KLHL31: variants seen among roughly 807,000 people sequenced by gnomAD.
KLHL31 encodes kelch-like protein 31.
Under a neutral mutation model 47.1 loss-of-function variants are expected in KLHL31, and 32 were observed. That is an observed-to-expected ratio of 0.68 (90% CI 0.51 to 0.91). The LOEUF is 0.91. Among genes scored for constraint, KLHL31 ranks in the 40% least tolerant of loss-of-function variants. The pLI is 0.00. For missense variants in KLHL31, 797 were observed against 819.3 expected (o/e 0.97, Z 0.33); for synonymous variants, 330 against 325.1 (o/e 1.01, Z -0.16).
In KLHL31 at chr6:53,655,747, C is replaced by T. The variant is rs550177414; in HGVS notation, c.-33-442G>A. On this transcript the variant is annotated intron_variant, in intron 1 of 2. Transcript: ENST00000370905. Reference sequence around the variant, plus strand: ...TCAGCCTCCCAAGTAGCTGGGACTACAGGTGTGCACCACCATGCCCAGGTA... The same window carrying T: ...TCAGCCTCCCAAGTAGCTGGGACTATAGGTGTGCACCACCATGCCCAGGTA... Among the ~76,000 whole-genome samples, 7 of 152,040 alleles carry T rather than the reference C, an allele frequency of 4.6e-5. No homozygotes were observed. In the South Asian group the frequency reaches 6.2e-4, roughly 14 times the overall value.
At position 53,651,695 on chromosome 6, in the gene KLHL31, G is replaced by A. The variant is rs996899188; in HGVS notation, c.1808C>T (p.Ala603Val). 1.9e-6 allele frequency: 3 copies of A among 1,614,088 alleles called. No homozygotes were observed. The African/African-American group carries it at 4.0e-5, about 22-fold the overall frequency. Residue 603 changes from alanine (A) to valine (V), a missense_variant, in exon 3 of 3, where the codon GCC becomes GTC. Coordinates refer to ENST00000370905, the MANE Select transcript of KLHL31 (RefSeq NM_001003760.5). ...GGTGCAGCAGGACACGCCGACAGTGGCCTCGGGTAGCTCGTCGTCCTCCGT... is the reference window on the plus strand; with the variant it reads ...GGTGCAGCAGGACACGCCGACAGTGACCTCGGGTAGCTCGTCGTCCTCCGT... ...EWTEDDELPE[A>V]TVGVSCCTLS... is the part of the protein sequence containing the mutation.
intron 2 of KLHL31, among the ~76,000 whole-genome samples, chr6:53,652,674 C>A (rs1454033933): frequency 6.6e-6 from 1 of 152,088 alleles, no homozygotes; most frequent in African/African-American, 2.4e-5. Flanking sequence ...GTGGGATTTA[C>A]GAGATGTGCA....
rs1764429726 is a variant in KLHL31, at chr6:53,648,906, A to G, written c.*2692T>C. On this transcript the variant is annotated 3_prime_UTR_variant, in exon 3 of 3. Coordinates refer to ENST00000370905, the MANE Select transcript of KLHL31 (RefSeq NM_001003760.5). Reference sequence around the variant, plus strand: ...TATTTCAGTTGCTGGGTAACATGCAATTTCCCTGATATATTGAACTGATGC... The same window carrying G: ...TATTTCAGTTGCTGGGTAACATGCAGTTTCCCTGATATATTGAACTGATGC... 1 of 152,128 alleles carries G rather than the reference A, an allele frequency of 6.6e-6. No homozygotes were observed. The highest frequency in any genetic ancestry group is 2.4e-5 in the African/African-American group (1 of 41,420). The allele number at this position is 152,128 out of a possible 1,614,324, so 9.4% of individuals were successfully genotyped here.
Position 53,654,988 on chromosome 6 carries a change from A to T in KLHL31, c.285T>A (p.Ser95Arg). ...DVHKSVMASCSEYFYNILKKD... is the reference protein window; with the variant it reads ...DVHKSVMASCREYFYNILKKD... Reference sequence around the variant, plus strand: ...TTTTTAGGATGTTGTAAAAATACTCACTGCATGAAGCCATGACTGACTTAT... The same window carrying T: ...TTTTTAGGATGTTGTAAAAATACTCTCTGCATGAAGCCATGACTGACTTAT... Residue 95 changes from serine (S) to arginine (R), a missense_variant, in exon 2 of 3, where the codon AGT becomes AGA. Physicochemically the swap from Ser to Arg is moderately radical, Grantham distance 110 (BLOSUM62 -1). Coordinates refer to ENST00000370905, the MANE Select transcript of KLHL31 (RefSeq NM_001003760.5). 6.2e-7 allele frequency: 1 copy of T among 1,614,206 alleles called. No homozygotes were observed. The highest frequency in any genetic ancestry group is 8.5e-7 in the Non-Finnish European group (1 of 1,180,034).
At chr6:53,663,197 G>A (rs1764672628) in intron 1 of KLHL31, among the ~76,000 whole-genome samples, 1 of 152,176 alleles carries the variant, frequency 6.6e-6, no homozygotes, top group South Asian at 2.1e-4. Flanking sequence ...CCAGGGTAGG[G>A]TAAAAACTGT....
chr6:53,656,445 C>T (rs1367688842), intron 1 of KLHL31, among the ~76,000 whole-genome samples: 1 of 151,676 alleles, frequency 6.6e-6, no homozygotes, highest in Admixed American at 6.6e-5. Flanking sequence ...GAGGTAGAAA[C>T]CTATAAATTC....
intron 1 of KLHL31, 122 bp from the exon 2 acceptor site, chr6:53,655,427 A>T (rs977919669): frequency 6.0e-5 from 32 of 530,144 alleles, no homozygotes; most frequent in Non-Finnish European, 7.1e-5. Context: ...TTAATTTTTA[A>T]AATAGATTTA....
rs752433097 is a variant in KLHL31 at position 53,650,671 on chromosome 6, T to C, written c.*927A>G. On this transcript the variant is annotated 3_prime_UTR_variant, in exon 3 of 3. Coordinates refer to ENST00000370905, the MANE Select transcript of KLHL31 (RefSeq NM_001003760.5). ...ATGGTCCTTAGGGACATAGTTTTAT[T>C]TGGTGATCTTCGCGGGGTGTACATT... The C allele has an allele frequency of 4.6e-5, 7 of 152,186 alleles. No individual in the cohort carries two copies. The highest frequency in any genetic ancestry group is 1.0e-4 in the Non-Finnish European group (7 of 68,040). The allele number at this position is 152,186 out of a possible 1,614,324, so 9.4% of individuals were successfully genotyped here.
chr6:53,657,613 TGTG>T (rs1764582102), intron 1 of KLHL31, among the ~76,000 whole-genome samples: 1 of 79,420 alleles, frequency 1.3e-5, no homozygotes, highest in Admixed American at 1.1e-4. Context: ...TTTTGTTTTG[TGTG>T]TGTGTGTGTG....
At position 53,655,168 on chromosome 6, in the gene KLHL31, C is replaced by T; in HGVS notation, c.105G>A (p.Gly35=). The change falls in exon 2 of 3, where the codon GGG becomes GGA. Residue 35 remains glycine, a synonymous_variant. Transcript: ENST00000370905. The part of the protein sequence containing the change: ...SPLNKLNALN[G]LLEGGNGLSC... ...TAAGGCCATTGCCTCCCTCTAGGAGCCCATTCAAAGCATTCAGTTTGTTTA... is the reference window on the plus strand; with the variant it reads ...TAAGGCCATTGCCTCCCTCTAGGAGTCCATTCAAAGCATTCAGTTTGTTTA... 6.2e-7 allele frequency: 1 copy of T among 1,614,004 alleles called. No individual in the cohort carries two copies. The highest frequency in any genetic ancestry group is 8.5e-7 in the Non-Finnish European group (1 of 1,179,894).
At chr6:53,654,008 A>G in intron 2 of KLHL31, 93 bp downstream of exon 2, 1 of 1,065,058 alleles carries the variant, frequency 9.4e-7, no homozygotes, top group East Asian at 2.4e-5. Context: ...AAGCCAATGG[A>G]CTAAGTTAAT....
chr6:53,659,156 G>A (rs1395766062), intron 1 of KLHL31, among the ~76,000 whole-genome samples: 1 of 152,210 alleles, frequency 6.6e-6, no homozygotes, highest in African/African-American at 2.4e-5. Flanking sequence ...GTGAATCAGA[G>A]AAAGCCACCA....
At chr6:53,662,016 A>G (rs577342659) in intron 1 of KLHL31, among the ~76,000 whole-genome samples, 1 of 151,846 alleles carries the variant, frequency 6.6e-6, no homozygotes, top group South Asian at 2.1e-4. Flanking sequence ...AACGGAGTGA[A>G]GGTCTTATTG....
Position 53,651,421 on chromosome 6 carries a change from A to AAAAAAAAAAATT in KLHL31, c.*176_*177insAATTTTTTTTTT. Reference sequence around the variant, plus strand: ...TGCTAAAAAAAAAAAAAAAAAAAAGAGGTAGATTATGCCATACCAGGAATT... The same window carrying AAAAAAAAAAATT: ...TGCTAAAAAAAAAAAAAAAAAAAAGAAAAAAAAAAATTGGTAGATTATGCCATACCAGGAATT... On this transcript the variant is annotated 3_prime_UTR_variant, in exon 3 of 3. Coordinates refer to ENST00000370905, the MANE Select transcript of KLHL31 (RefSeq NM_001003760.5). The AAAAAAAAAAATT allele has an allele frequency of 5.5e-6, 2 of 364,532 alleles. No individual in the cohort carries two copies. Among genetic ancestry groups the AAAAAAAAAAATT allele is most frequent in the Non-Finnish European group, 9.9e-6 (2 of 202,106 alleles). 22.6% of individuals were successfully genotyped at this position (364,532 alleles called of 1,614,324 possible).
chr6:53,651,906 G>A lies in KLHL31; in HGVS notation c.1597C>T (p.Leu533Phe), dbSNP rs1205428174. Residue 533 changes from leucine to phenylalanine, a missense_variant, in exon 3 of 3, where the codon CTC becomes TTC. Coordinates refer to ENST00000370905, the MANE Select transcript of KLHL31 (RefSeq NM_001003760.5). ...LGPRGERVDV[L>F]TVECYSPATG... The stretch of plus-strand genomic sequence containing the variant: ...GCGGGGCTGTAGCACTCCACGGTGA[G>A]CACGTCCACGCGCTCCCCGCGCGGC... The A allele has an allele frequency of 9.4e-6, 15 of 1,590,912 alleles. No individual in the cohort carries two copies. The highest frequency in any genetic ancestry group is 1.0e-5 in the Non-Finnish European group (12 of 1,174,898).
At position 53,654,329 on chromosome 6, in the gene KLHL31, C is replaced by G. The variant is rs779710287; in HGVS notation, c.944G>C (p.Cys315Ser). The G allele has an allele frequency of 5.6e-6, 9 of 1,614,180 alleles. No homozygotes were observed. The Admixed American group carries it at 1.5e-4, about 27-fold the overall frequency. Residue 315 changes from cysteine to serine, a missense_variant, in exon 2 of 3, where the codon TGC becomes TCC. Physicochemically the swap from Cys to Ser is moderately radical, Grantham distance 112. Coordinates refer to ENST00000370905, the MANE Select transcript of KLHL31 (RefSeq NM_001003760.5). ...QSRRTRIRGG[C>S]RVLVTVGGRP... is the part of the protein sequence containing the mutation. Reference sequence around the variant, plus strand: ...TCCCCCAACAGTGACGAGGACTCGGCAGCCACCTCGGATTCTTGTTCGCCT... The same window carrying G: ...TCCCCCAACAGTGACGAGGACTCGGGAGCCACCTCGGATTCTTGTTCGCCT...
Position 53,654,915 on chromosome 6 carries a change from C to T in KLHL31, c.358G>A (p.Gly120Ser). Residue 120 changes from glycine to serine, a missense_variant, in exon 2 of 3, where the codon GGC becomes AGC. Coordinates refer to ENST00000370905, the MANE Select transcript of KLHL31 (RefSeq NM_001003760.5). ...GCATATGCAATGACAGTGGCCAGGC[C>T]TAGTGGTGAGATATCATTGAGATCC... The part of the protein sequence containing the change: ...RVDLNDISPL[G>S]LATVIAYAYT... 1 of 1,614,088 alleles carries T rather than the reference C, an allele frequency of 6.2e-7. No homozygotes were observed.
intron 1 of KLHL31, among the ~76,000 whole-genome samples, chr6:53,660,047 A>G (rs1254793948): frequency 6.6e-6 from 1 of 152,166 alleles, no homozygotes; most frequent in Non-Finnish European, 1.5e-5. Context: ...TGGGTGATAC[A>G]TTAGCTAGTC....
In KLHL31 at chr6:53,652,130, CA is replaced by C; in HGVS notation, c.1372del (p.Cys458AlafsTer13). ...PKTPLEVARC[C>X]HASAVADGRV... Reference sequence around the variant, plus strand: ...GCCGTCGGCGACCGCGCTAGCGTGGCAGCAGCGCGCCACCTCCAGGGGCGTC... The same window carrying C: ...GCCGTCGGCGACCGCGCTAGCGTGGCGCAGCGCGCCACCTCCAGGGGCGTC... On this transcript the variant is annotated frameshift_variant, in exon 3 of 3. Transcript: ENST00000370905. LOFTEE classifies it high-confidence loss of function. 1 of 1,601,962 alleles carries C rather than the reference CA, an allele frequency of 6.2e-7. No homozygotes were observed. Among genetic ancestry groups the C allele is most frequent in the Non-Finnish European group, 8.5e-7 (1 of 1,178,250 alleles).
Sources: gnomAD v4.1 joint callset for allele counts (sites outside exome capture counted in the v4.1 genomes callset) on GRCh38, gnomAD v4.1.1 for gene constraint, MANE v1.5 for transcripts, NCBI Gene and HGNC (gene_info 2026-07-23, HGNC 2026-07-21) for gene names.